The following MLXIP variants were observed in gnomAD, a reference collection of about 807,000 sequenced individuals.
MLXIP encodes MLX-interacting protein.
Under a neutral mutation model 87.2 loss-of-function variants are expected in MLXIP, and 30 were observed. The observed-to-expected ratio is 0.34, with a 90% CI of 0.26 to 0.47. The LOEUF is 0.47. MLXIP is among the 20% of genes least tolerant of loss of function. MLXIP has a pLI of 1.00. For synonymous variants in MLXIP, 530 were observed against 514.0 expected (o/e 1.03, Z -0.42); for missense variants, 1,002 against 1,240.1 (o/e 0.81, Z 2.88).
chr12:122,138,845 A>T lies in MLXIP; in HGVS notation c.2415A>T (p.Gly805=). ...ISCQQLLPAT[G]VPVTRRQFDH... The stretch of plus-strand genomic sequence containing the variant: ...GCCAGCAGCTGCTCCCTGCCACGGG[A>T]GTCCCCGTTACCCGGCGCCAGTTTG... The change falls in exon 15 of 17, where the codon GGA becomes GGT. Residue 805 remains glycine (G), a synonymous_variant. Transcript: ENST00000319080. 1 of 1,613,966 alleles carries T rather than the reference A, an allele frequency of 6.2e-7. No individual in the cohort carries two copies. The highest frequency in any genetic ancestry group is 1.7e-5 in the Admixed American group (1 of 60,018).
chr12:122,079,544 A>T (rs1952061728), intron 1 of MLXIP, among the ~76,000 whole-genome samples: 1 of 152,164 alleles, frequency 6.6e-6, no homozygotes, highest in Admixed American at 6.5e-5. Context: ...TTGGACGAGG[A>T]AGAGGTATAA....
chr12:122,139,498 C>T (rs539778703), intron 15 of MLXIP, among the ~76,000 whole-genome samples: 2 of 152,226 alleles, frequency 1.3e-5, no homozygotes, highest in South Asian at 4.1e-4. Flanking sequence ...CACCCTGCCA[C>T]CGCTCTGCCT....
At chr12:122,104,312 T>A (rs983600924) in intron 1 of MLXIP, among the ~76,000 whole-genome samples, 22 of 152,200 alleles carry the variant, frequency 1.4e-4, no homozygotes, top group African/African-American at 5.3e-4. Context: ...AGGCATCCTC[T>A]CCTTCCCTAT....
At chr12:122,121,307 C>CTTTTTTTTTTTTT (rs35967072) in intron 1 of MLXIP, among the ~76,000 whole-genome samples, 2 of 118,226 alleles carry the variant, frequency 1.7e-5, no homozygotes, top group African/African-American at 3.4e-5. Context: ...TGTGCCCAGC[C>CTTTTTTTTTTTTT]TTTTTTTTTT....
chr12:122,141,645 G>A (rs768191829), intron 16 of MLXIP, 46 bp from the exon 17 acceptor site: 2 of 1,604,996 alleles, frequency 1.2e-6, no homozygotes, highest in East Asian at 2.2e-5. Context: ...TGCGGTGTGT[G>A]GTGGGTCTGT....
At chr12:122,109,181 C>G (rs1033496642) in intron 1 of MLXIP, among the ~76,000 whole-genome samples, 5 of 152,044 alleles carry the variant, frequency 3.3e-5, no homozygotes, top group African/African-American at 1.2e-4. Context: ...GTTCTGCCCA[C>G]CTTGGCCTCC....
chr12:122,140,762 G>C, intron 15 of MLXIP, 192 bp from the exon 16 acceptor site: 1 of 841,588 alleles, frequency 1.2e-6, no homozygotes, highest in East Asian at 2.7e-5. Context: ...GGTACAGTTA[G>C]AGCAGAGTGT....
Position 122,130,837 on chromosome 12 carries a change from C to T in MLXIP, c.911-7C>T, listed in dbSNP as rs1222367319. Reference sequence around the variant, plus strand: ...CAAAATGGTTCCTCTCTCTGTGATTCTTGCAGCACATCTGGGAAATGCAGA... The same window carrying T: ...CAAAATGGTTCCTCTCTCTGTGATTTTTGCAGCACATCTGGGAAATGCAGA... On this transcript the variant is annotated splice_polypyrimidine_tract_variant and splice_region_variant and intron_variant, in intron 6 of 16. Coordinates refer to ENST00000319080, the MANE Select transcript of MLXIP (RefSeq NM_014938.6). 1.2e-6 allele frequency: 2 copies of T among 1,608,264 alleles called. No individual in the cohort carries two copies. The highest frequency in any genetic ancestry group is 2.7e-5 in the African/African-American group (2 of 74,750).
chr12:122,128,372 G>T, intron 3 of MLXIP: 1 of 171,122 alleles, frequency 5.8e-6, no homozygotes, highest in Non-Finnish European at 1.2e-5. Context: ...ACTCTTCTGT[G>T]TGGCTTTAAT....
At chr12:122,094,181 G>GGT (rs1304616795) in intron 1 of MLXIP, among the ~76,000 whole-genome samples, 1 of 106,542 alleles carries the variant, frequency 9.4e-6, no homozygotes, top group African/African-American at 3.1e-5. Flanking sequence ...GTGTGGTGTT[G>GGT]GTGTGTGTTG....
chr12:122,105,442 G>A (rs931372613), intron 1 of MLXIP, among the ~76,000 whole-genome samples: 2 of 151,776 alleles, frequency 1.3e-5, no homozygotes, highest in African/African-American at 4.8e-5. Flanking sequence ...CTGCCTCCCA[G>A]GATCAAGAGA....
At chr12:122,106,320 C>T (rs997063077) in intron 1 of MLXIP, among the ~76,000 whole-genome samples, 1 of 152,206 alleles carries the variant, frequency 6.6e-6, no homozygotes, top group Non-Finnish European at 1.5e-5. Flanking sequence ...AGGAAAACAC[C>T]ACTGGGTGCC....
intron 1 of MLXIP, among the ~76,000 whole-genome samples, chr12:122,083,147 G>A (rs1377309949): frequency 1.3e-5 from 2 of 152,120 alleles, no homozygotes; most frequent in East Asian, 1.9e-4. Context: ...AACACTTCTA[G>A]TGTGTACCTT....
At chr12:122,094,453 G>A (rs1392674640) in intron 1 of MLXIP, among the ~76,000 whole-genome samples, 2 of 136,714 alleles carry the variant, frequency 1.5e-5, no homozygotes, top group Non-Finnish European at 3.2e-5. Flanking sequence ...GTCTGGTGTG[G>A]TATTGGTGTG....
chr12:122,121,009 G>GTTTTTTTTTTTTTTTTTTTTTTTT (rs776332981), intron 1 of MLXIP, among the ~76,000 whole-genome samples: 36 of 102,192 alleles, frequency 3.5e-4, no homozygotes, highest in East Asian at 9.6e-4. Flanking sequence ...CTGCATGCTT[G>GTTTTTTTTTTTTTTTTTTTTTTTT]GTTTTTTTTT....
At chr12:122,088,206 G>T (rs1312810051) in intron 1 of MLXIP, among the ~76,000 whole-genome samples, 1 of 152,154 alleles carries the variant, frequency 6.6e-6, no homozygotes, top group Non-Finnish European at 1.5e-5. Flanking sequence ...TCCCTCTCCA[G>T]GGGAGGCTTT....
intron 12 of MLXIP, 44 bp from the exon 13 acceptor site, chr12:122,138,150 G>C: frequency 6.6e-7 from 1 of 1,513,546 alleles, no homozygotes. Context: ...TGGACAGTGT[G>C]CCTGCAATGT....
In MLXIP at chr12:122,129,121, T is replaced by C. The variant is rs904889983; in HGVS notation, c.607-16T>C. On this transcript the variant is annotated splice_polypyrimidine_tract_variant and intron_variant, in intron 3 of 16. Coordinates refer to ENST00000319080, the MANE Select transcript of MLXIP (RefSeq NM_014938.6). ...GCAGAGCCCCCTCTTCACTCTGCTC[T>C]CTGTCCCTGTCCTAGGCCATCACCA... is the stretch of plus-strand genomic sequence containing the variant. The C allele has an allele frequency of 1.9e-6, 3 of 1,596,884 alleles. No individual in the cohort carries two copies. In the African/African-American group the frequency reaches 4.0e-5, roughly 21 times the overall value.
At chr12:122,138,075 C>T (rs1203987634) in intron 12 of MLXIP, 119 bp from the exon 13 acceptor site, 4 of 801,126 alleles carry the variant, frequency 5.0e-6, no homozygotes, top group South Asian at 3.7e-5. Flanking sequence ...TCGTGCCCTC[C>T]TCCCACGTAG....
Sources: allele counts gnomAD v4.1 joint callset (sites outside exome capture counted in the v4.1 genomes callset), GRCh38; gene constraint gnomAD v4.1.1; transcripts MANE v1.5; gene names NCBI Gene and HGNC (gene_info 2026-07-23, HGNC 2026-07-21).